The following PTPRN2 variants were observed in gnomAD, a reference collection of about 807,000 sequenced individuals.
PTPRN2 encodes the protein protein tyrosine phosphatase receptor type N2.
In PTPRN2, 74 loss-of-function variants were observed where a neutral mutation model predicts 118.8. That is an observed-to-expected ratio of 0.62 (90% CI 0.52 to 0.76). The LOEUF is 0.76. Among genes scored for constraint, PTPRN2 ranks in the 30% least tolerant of loss-of-function variants. The pLI is 0.00. For synonymous variants in PTPRN2, 641 were observed against 608.0 expected, an observed-to-expected ratio of 1.05 and a Z score of -0.80; for missense variants, 1,481 against 1,394.4, an observed-to-expected ratio of 1.06 and a Z score of -0.99.
intron 5 of PTPRN2, among the ~76,000 whole-genome samples, chr7:158,185,336 G>T (rs570573730): frequency 1.3e-5 from 2 of 152,230 alleles, no homozygotes; most frequent in Admixed American, 1.3e-4. Context: ...CAGTTTTTAG[G>T]TGTATCATTC....
At position 157,953,822 on chromosome 7, in the gene PTPRN2, C is replaced by T. The variant is rs948278643; in HGVS notation, c.1724-55085G>A. Among the ~76,000 whole-genome samples, 6 of 152,104 alleles carry T rather than the reference C, an allele frequency of 3.9e-5. No individual in the cohort carries two copies. Among genetic ancestry groups the T allele is most frequent in the African/African-American group, 1.4e-4 (6 of 41,412 alleles). On this transcript the variant is annotated intron_variant, in intron 11 of 22. Transcript: ENST00000389418. This position sits in a 1 kb window ranked among gnomAD's most constrained non-coding sequence, Gnocchi z 4.6. ...AGGGCGACCGAGAAAGGAATGAGGGCATAAGAGCGGTGCTGGAGAAATGTA... is the reference window on the plus strand; with the variant it reads ...AGGGCGACCGAGAAAGGAATGAGGGTATAAGAGCGGTGCTGGAGAAATGTA...
chr7:158,132,469 A>G (rs1170821113), intron 9 of PTPRN2, among the ~76,000 whole-genome samples: 1 of 150,764 alleles, frequency 6.6e-6, no homozygotes, highest in Non-Finnish European at 1.5e-5. Flanking sequence ...CACAACACAC[A>G]CTCGTATACA....
At chr7:158,197,428 G>A (rs1826291722) in intron 4 of PTPRN2, among the ~76,000 whole-genome samples, 1 of 152,154 alleles carries the variant, frequency 6.6e-6, no homozygotes, top group Non-Finnish European at 1.5e-5. Context: ...TTTCCATGTA[G>A]GATGTTGATT....
intron 1 of PTPRN2, among the ~76,000 whole-genome samples, chr7:158,553,090 C>T (rs1826767026): frequency 6.6e-6 from 1 of 152,024 alleles, no homozygotes; most frequent in Non-Finnish European, 1.5e-5. Context: ...TTCCTGCGTA[C>T]ACACACATGC....
At chr7:158,169,481 A>G (rs1301199399) in intron 5 of PTPRN2, among the ~76,000 whole-genome samples, 2 of 148,436 alleles carry the variant, frequency 1.3e-5, no homozygotes, top group Non-Finnish European at 3.0e-5. Flanking sequence ...GGGTTTTACT[A>G]TGTTGGCCAG....
chr7:158,276,026 CCTGA>C (rs1416983859), intron 3 of PTPRN2, among the ~76,000 whole-genome samples: 2 of 152,166 alleles, frequency 1.3e-5, no homozygotes, highest in African/African-American at 4.8e-5. Flanking sequence ...GACTCTGCTG[CCTGA>C]CTTTTATCTG....
intron 12 of PTPRN2, among the ~76,000 whole-genome samples, chr7:157,722,481 C>T (rs1307290864): frequency 1.3e-5 from 2 of 152,096 alleles, no homozygotes; most frequent in South Asian, 2.1e-4. Context: ...TGCGTGGCTC[C>T]CGTGGGTGGT....
At chr7:157,846,558 C>A in intron 12 of PTPRN2, among the ~76,000 whole-genome samples, 1 of 152,268 alleles carries the variant, frequency 6.6e-6, no homozygotes, top group East Asian at 1.9e-4. Context: ...GCCCTGAGTG[C>A]GCTGCCCCAA....
intron 11 of PTPRN2, among the ~76,000 whole-genome samples, chr7:158,021,525 G>C (rs1806869576): frequency 6.6e-6 from 1 of 152,104 alleles, no homozygotes; most frequent in Non-Finnish European, 1.5e-5. Flanking sequence ...GAATATATCG[G>C]TAATTAGCAC....
Position 157,967,754 on chromosome 7 carries a change from A to G in PTPRN2, c.1724-69017T>C, listed in dbSNP as rs553694558. Among the ~76,000 whole-genome samples, 20 of 152,338 alleles carry G rather than the reference A, an allele frequency of 1.3e-4. No homozygotes were observed. In the East Asian group the frequency reaches 1.9e-3, roughly 15 times the overall value. On this transcript the variant is annotated intron_variant, in intron 11 of 22. Transcript: ENST00000389418. ...CAACAAACAGGAGGGTGGACATTGA[A>G]AAGTATCTGGCTGACCCTCTGTGAG...
At chr7:157,873,649 C>T (rs1443631304) in intron 12 of PTPRN2, among the ~76,000 whole-genome samples, 10 of 121,318 alleles carry the variant, frequency 8.2e-5, no homozygotes, top group African/African-American at 2.0e-4. Context: ...TCGTGGGGGC[C>T]GGGAGGAGAA....
At position 157,972,219 on chromosome 7, in the gene PTPRN2, C is replaced by G. The variant is rs151135343; in HGVS notation, c.1724-73482G>C. 5.9e-3 allele frequency among the ~76,000 whole-genome samples: 899 copies of G among 152,306 alleles called. 10 individuals carry two copies. In the Middle Eastern group the frequency reaches 0.075, roughly 13 times the overall value. On this transcript the variant is annotated intron_variant, in intron 11 of 22. Coordinates refer to ENST00000389418, the MANE Select transcript of PTPRN2 (RefSeq NM_002847.5). ...TCTCTGGCACCCAGCATGCCAAGGT[C>G]CTAACGAAAATCGTGTCAAAACTCA...
chr7:158,080,855 G>A (rs560610059), intron 11 of PTPRN2, among the ~76,000 whole-genome samples: 8 of 152,296 alleles, frequency 5.3e-5, no homozygotes, highest in African/African-American at 1.2e-4. Context: ...TCTGCCCACC[G>A]CAGTCGGGAG....
intron 12 of PTPRN2, among the ~76,000 whole-genome samples, chr7:157,885,333 G>A (rs554997853): frequency 2.6e-5 from 4 of 152,334 alleles, no homozygotes; most frequent in Non-Finnish European, 5.9e-5. Context: ...CAGTGCCCAG[G>A]TGGGCCTGGG....
At chr7:157,851,178 G>A (rs745506609) in intron 12 of PTPRN2, among the ~76,000 whole-genome samples, 53 of 152,194 alleles carry the variant, frequency 3.5e-4, no homozygotes, top group Non-Finnish European at 6.5e-4. Context: ...TCTAACGAGG[G>A]TGCATTTTAT....
Position 157,604,061 on chromosome 7 carries a change from C to G in PTPRN2, c.2359G>C (p.Val787Leu). The G allele has an allele frequency of 6.2e-7, 1 of 1,613,772 alleles. No homozygotes were observed. The highest frequency in any genetic ancestry group is 8.5e-7 in the Non-Finnish European group (1 of 1,180,002). The stretch of plus-strand genomic sequence containing the variant: ...TGGCTGTTCTCCGCCTTCAGCAGGA[C>G]CCGGGAGTGGTCATCTGCAAGGACA... ...LAVLTYDHSR[V>L]LLKAENSHSH... The change falls in exon 16 of 23, where the codon GTC becomes CTC. Residue 787 changes from valine to leucine, a missense_variant. Val to Leu is a conservative substitution (Grantham distance 32, BLOSUM62 1). Coordinates refer to ENST00000389418, the MANE Select transcript of PTPRN2 (RefSeq NM_002847.5).
intron 11 of PTPRN2, among the ~76,000 whole-genome samples, chr7:157,940,832 GACACTGCAAATCTAACACTCTCCCCCACA>G (rs1800036968): frequency 1.4e-5 from 1 of 69,786 alleles, no homozygotes. Context: ...TCCCCACAGT[GACACTGCAAATCTAACACTCTCCCCCACA>G]ACACTGCAAA....
intron 3 of PTPRN2, among the ~76,000 whole-genome samples, chr7:158,252,644 C>T (rs887980227): frequency 3.9e-5 from 6 of 152,166 alleles, no homozygotes; most frequent in Admixed American, 2.6e-4. Flanking sequence ...TTCAGGGAAG[C>T]CACCACGCCA....
rs1261347373 is a variant in PTPRN2 at position 157,671,396 on chromosome 7, A to G, written c.2001+11329T>C. 6.6e-6 allele frequency among the ~76,000 whole-genome samples: 1 copy of G among 152,010 alleles called. No homozygotes were observed. The highest frequency in any genetic ancestry group is 1.5e-5 in the Non-Finnish European group (1 of 68,008). On this transcript the variant is annotated intron_variant, in intron 13 of 22. Transcript: ENST00000389418. This position sits in a 1 kb window ranked among gnomAD's most constrained non-coding sequence, Gnocchi z 4.1. ...AGAGGCGGCAGAAGGGATAAAGGGG[A>G]GGTAGGGATGAATAGGGCCCTGGTG...
Sources: gnomAD v4.1 joint callset for allele counts (sites outside exome capture counted in the v4.1 genomes callset) on GRCh38, gnomAD v4.1.1 for gene constraint, Gnocchi (gnomAD v3.1) non-coding constraint, MANE v1.5 for transcripts, NCBI Gene and HGNC (gene_info 2026-07-23, HGNC 2026-07-21) for gene names.